PSG6: variants seen among roughly 807,000 people sequenced by gnomAD.
PSG6 encodes the protein pregnancy specific beta-1-glycoprotein 6.
A neutral mutation model predicts 43.3 loss-of-function variants in PSG6; 51 were observed. That is an observed-to-expected ratio of 1.18 (90% confidence interval 0.94 to 1.49). The LOEUF is 1.49. Among genes scored for constraint, PSG6 ranks in the 40% most tolerant of loss-of-function variants. The pLI is 0.00. For synonymous variants in PSG6, 292 were observed against 197.6 expected (o/e 1.48, Z -4.01); for missense variants, 770 against 522.2 (o/e 1.47, Z -4.62).
rs763918609 is a variant in PSG6, at chr19:42,916,118, C to A, written c.427+7G>T. On this transcript the variant is annotated splice_region_variant and intron_variant, in intron 2 of 5. Coordinates refer to ENST00000187910, the MANE Select transcript of PSG6 (RefSeq NM_001031850.4). ...CCAACACCCAGGGATCATGCGGAATCACTCACAGTATAAGGTGACAGTGAA... is the reference window on the plus strand; with the variant it reads ...CCAACACCCAGGGATCATGCGGAATAACTCACAGTATAAGGTGACAGTGAA... The A allele has an allele frequency of 6.2e-7, 1 of 1,610,080 alleles. No individual in the cohort carries two copies. The highest frequency in any genetic ancestry group is 1.7e-5 in the Admixed American group (1 of 59,854).
At position 42,916,506 on chromosome 19, in the gene PSG6, A is replaced by C; in HGVS notation, c.65-19T>G. 6.2e-7 allele frequency: 1 copy of C among 1,600,158 alleles called. No individual in the cohort carries two copies. The highest frequency in any genetic ancestry group is 1.1e-5 in the South Asian group (1 of 87,900). ...AGTGATGCTAGGAGGTAGAGACAGCATCAGTTAATATTTGGACCTATGTAT... is the reference window on the plus strand; with the variant it reads ...AGTGATGCTAGGAGGTAGAGACAGCCTCAGTTAATATTTGGACCTATGTAT... On this transcript the variant is annotated intron_variant, in intron 1 of 5. Coordinates refer to ENST00000187910, the MANE Select transcript of PSG6 (RefSeq NM_001031850.4).
rs1274845775 is a variant in PSG6 at position 42,908,749 on chromosome 19, A to G, written c.707-895T>C. ...CATGGACCATGTGTGTTTGATGGAT[A>G]TGAGACAAATTTGGAGAGAAGTTTT... On this transcript the variant is annotated intron_variant, in intron 3 of 5. Transcript: ENST00000187910. Among the ~76,000 whole-genome samples, 7 of 151,814 alleles carry G rather than the reference A, an allele frequency of 4.6e-5. 1 individual carries two copies. The highest frequency in any genetic ancestry group is 1.0e-4 in the Non-Finnish European group (7 of 67,946).
At chr19:42,906,473 C>A (rs567196892) in intron 5 of PSG6, among the ~76,000 whole-genome samples, 1 of 151,566 alleles carries the variant, frequency 6.6e-6, no homozygotes, top group Admixed American at 6.6e-5. Flanking sequence ...GCTGCTCCTC[C>A]CTCACCCAAA....
Position 42,907,567 on chromosome 19 carries a change from G to A in PSG6, c.985+9C>T. 6.2e-7 allele frequency: 1 copy of A among 1,611,744 alleles called. No individual in the cohort carries two copies. The highest frequency in any genetic ancestry group is 1.8e-4 in the Middle Eastern group (1 of 5,640). The stretch of plus-strand genomic sequence containing the variant: ...TGTCCTGGCCCACAGAGGAACAAAG[G>A]ATACTCACAGAGGACATTCAGGGTG... On this transcript the variant is annotated intron_variant, in intron 4 of 5. Coordinates refer to ENST00000187910, the MANE Select transcript of PSG6 (RefSeq NM_001031850.4).
chr19:42,906,284 A>T (rs1250651275), intron 5 of PSG6, among the ~76,000 whole-genome samples: 1 of 151,330 alleles, frequency 6.6e-6, no homozygotes, highest in Non-Finnish European at 1.5e-5. Flanking sequence ...CTCTCTTCTT[A>T]TTTCCCTGCA....
intron 2 of PSG6, chr19:42,915,784 C>G: frequency 4.5e-6 from 2 of 448,642 alleles, no homozygotes; most frequent in East Asian, 3.6e-5. Flanking sequence ...CAGTGGGCCC[C>G]TCAGGCCAAG....
chr19:42,914,661 G>T (rs977672172), intron 2 of PSG6, among the ~76,000 whole-genome samples: 51 of 151,588 alleles, frequency 3.4e-4, no homozygotes, highest in African/African-American at 9.0e-4. Context: ...CAAGGGACAG[G>T]TGTGGCTAGA....
intron 5 of PSG6, among the ~76,000 whole-genome samples, chr19:42,906,180 C>T (rs1389802799): frequency 4.0e-5 from 6 of 151,644 alleles, no homozygotes; most frequent in Non-Finnish European, 7.4e-5. Flanking sequence ...CAGTCACTGT[C>T]CTCCGTGCTG....
At chr19:42,911,728 G>T (rs1326153907) in intron 2 of PSG6, among the ~76,000 whole-genome samples, 2 of 151,774 alleles carry the variant, frequency 1.3e-5, no homozygotes, top group East Asian at 1.9e-4. Context: ...CTGGCCCTCA[G>T]GGACCTTATG....
Position 42,907,059 on chromosome 19 carries a change from T to C in PSG6, c.1103A>G (p.Asn368Ser). 6.8e-6 allele frequency: 11 copies of C among 1,612,656 alleles called. 1 individual carries two copies. Among genetic ancestry groups the C allele is most frequent in the Non-Finnish European group, 9.3e-6 (11 of 1,179,230 alleles). The change falls in exon 5 of 6, where the codon AAT becomes AGT. Residue 368 changes from asparagine (N) to serine (S), a missense_variant. Coordinates refer to ENST00000187910, the MANE Select transcript of PSG6 (RefSeq NM_001031850.4). ...NPPAEYSWTI[N>S]GKFQLSGQKL... ...TTGTCCTGATAGCTGAAACTTCCCA[T>C]TAATTGTCCAAGAATACTCTGCCGG...
intron 5 of PSG6, 144 bp downstream of exon 5, chr19:42,906,778 T>C: frequency 6.3e-7 from 1 of 1,591,164 alleles, no homozygotes; most frequent in Non-Finnish European, 8.6e-7. Flanking sequence ...AGAGATAAGT[T>C]GGGAGGGTTC....
chr19:42,902,401 T>A lies in PSG6; in HGVS notation c.*11A>T. The A allele has an allele frequency of 6.2e-7, 1 of 1,610,736 alleles. No homozygotes were observed. The highest frequency in any genetic ancestry group is 8.5e-7 in the Non-Finnish European group (1 of 1,178,036). On this transcript the variant is annotated 3_prime_UTR_variant, in exon 6 of 6. Transcript: ENST00000187910. ...CTGTTCTTTTTCTCAGTGTCTCTAT[T>A]GTGGCAGCCATTAATGAGACTCTGT... is the stretch of plus-strand genomic sequence containing the variant.
intron 5 of PSG6, chr19:42,903,638 C>T (rs1363034513): frequency 6.0e-6 from 9 of 1,512,482 alleles, no homozygotes; most frequent in East Asian, 5.1e-5. Context: ...TGTTTTAATC[C>T]TAGCACTTTG....
At position 42,907,832 on chromosome 19, in the gene PSG6, G is replaced by A. The variant is rs200331954; in HGVS notation, c.729C>T (p.Ile243=). The part of the protein sequence containing the change: ...NLLPKLPMPY[I]TINNLNPREK... ...CCCTGGGGTTTAAGTTGTTGATGGT[G>A]ATGTAAGGCATGGGCAGCTTCGCTG... is the stretch of plus-strand genomic sequence containing the variant. The change falls in exon 4 of 6, where the codon ATC becomes ATT. Residue 243 remains isoleucine (I), a synonymous_variant. Transcript: ENST00000187910. The A allele has an allele frequency of 2.3e-5, 37 of 1,611,554 alleles. 2 individuals are homozygous for A. Among genetic ancestry groups the A allele is most frequent in the African/African-American group, 4.0e-5 (3 of 74,582 alleles).
chr19:42,907,275 A>C, intron 4 of PSG6, 99 bp from the exon 5 acceptor site: 1 of 1,523,982 alleles, frequency 6.6e-7, no homozygotes, highest in Non-Finnish European at 8.8e-7. Flanking sequence ...ACCAAGACAC[A>C]ACCTCAAGTG....
At position 42,916,491 on chromosome 19, in the gene PSG6, G is replaced by T; in HGVS notation, c.65-4C>A. The T allele has an allele frequency of 6.2e-7, 1 of 1,607,606 alleles. No homozygotes were observed. ...TTCCAGAAGTTTAAAAGTGATGCTA[G>T]GAGGTAGAGACAGCATCAGTTAATA... On this transcript the variant is annotated splice_polypyrimidine_tract_variant and splice_region_variant and intron_variant, in intron 1 of 5. Coordinates refer to ENST00000187910, the MANE Select transcript of PSG6 (RefSeq NM_001031850.4).
At chr19:42,915,435 T>C (rs1972306659) in intron 2 of PSG6, 1 of 152,072 alleles carries the variant, frequency 6.6e-6, no homozygotes, top group Non-Finnish European at 1.5e-5. Flanking sequence ...CTGTTTCTGC[T>C]TCTGGGGATA....
intron 2 of PSG6, among the ~76,000 whole-genome samples, chr19:42,913,463 T>G (rs1219110428): frequency 6.6e-6 from 1 of 151,782 alleles, no homozygotes; most frequent in Admixed American, 6.6e-5. Flanking sequence ...AGGATTTTAA[T>G]GAGTTGTTGA....
At chr19:42,904,405 T>C (rs1263587663) in intron 5 of PSG6, among the ~76,000 whole-genome samples, 1 of 151,614 alleles carries the variant, frequency 6.6e-6, no homozygotes, top group Non-Finnish European at 1.5e-5. Flanking sequence ...ATCCTAAAGA[T>C]GGAACAAACC....
Sources: allele counts gnomAD v4.1 joint callset (sites outside exome capture counted in the v4.1 genomes callset), GRCh38; gene constraint gnomAD v4.1.1; transcripts MANE v1.5; gene names NCBI Gene and HGNC (gene_info 2026-07-23, HGNC 2026-07-21).